GTPBP10: variants seen among roughly 807,000 people sequenced by gnomAD.
GTPBP10 encodes GTP-binding protein 10.
Under a neutral mutation model 44.8 loss-of-function variants are expected in GTPBP10, and 38 were observed. The ratio of observed to expected loss-of-function variants is 0.85; its 90% CI spans 0.65 to 1.11. GTPBP10 has a LOEUF of 1.11. GTPBP10 is among the 50% of genes most tolerant of loss of function. GTPBP10 has a pLI of 0.00. For synonymous variants in GTPBP10, 152 were observed against 150.6 expected, an observed-to-expected ratio of 1.01 and a Z score of -0.07; for missense variants, 462 against 453.7, an observed-to-expected ratio of 1.02 and a Z score of -0.17.
In GTPBP10 at chr7:90,354,558, A is replaced by G. The variant is rs781753693; in HGVS notation, c.319+9A>G. The G allele has an allele frequency of 5.0e-6, 7 of 1,403,116 alleles. No individual in the cohort carries two copies. The East Asian group carries it at 1.4e-4, about 29-fold the overall frequency. 86.9% of individuals were successfully genotyped at this position (1,403,116 alleles called of 1,614,324 possible). A position where few individuals can be genotyped will look rare whatever the true frequency, so the allele number is the denominator to read the frequency against. ...AAATGGTAAAATTATAGGTGAGTGT[A>G]CTATAACTCCAAAAGTTGTAAAAAT... On this transcript the variant is annotated intron_variant, in intron 3 of 9. Coordinates refer to ENST00000222511, the MANE Select transcript of GTPBP10 (RefSeq NM_033107.4).
At chr7:90,370,087 T>C (rs17865347) in intron 4 of GTPBP10, among the ~76,000 whole-genome samples, 1 of 152,060 alleles carries the variant, frequency 6.6e-6, no homozygotes, top group Non-Finnish European at 1.5e-5. Flanking sequence ...ATGGGTACAC[T>C]AAAATTCACT....
chr7:90,385,157 A>G lies in GTPBP10; in HGVS notation c.*3A>G. The stretch of plus-strand genomic sequence containing the variant: ...CTTCCAAAATGGATATAATTTAAAT[A>G]TATTAAAAATGGTATTGATGGAACA... On this transcript the variant is annotated 3_prime_UTR_variant, in exon 10 of 10. Coordinates refer to ENST00000222511, the MANE Select transcript of GTPBP10 (RefSeq NM_033107.4). The G allele has an allele frequency of 1.3e-6, 2 of 1,577,428 alleles. No individual in the cohort carries two copies. The highest frequency in any genetic ancestry group is 2.2e-5 in the East Asian group (1 of 44,548).
chr7:90,378,143 T>G lies in GTPBP10; in HGVS notation c.709T>G (p.Ser237Ala). The G allele has an allele frequency of 1.2e-6, 2 of 1,612,282 alleles. No individual in the cohort carries two copies. The highest frequency in any genetic ancestry group is 1.7e-6 in the Non-Finnish European group (2 of 1,178,824). The change falls in exon 8 of 10, where the codon TCT (serine) becomes GCT (alanine). Residue 237 changes from serine (S) to alanine (A), a missense_variant. By Grantham distance (99) the Ser-to-Ala change is moderately conservative. Coordinates refer to ENST00000222511, the MANE Select transcript of GTPBP10 (RefSeq NM_033107.4). ...TRQLLFVVDI[S>A]GFQLSSHTQY... is the part of the protein sequence containing the mutation. ...CTTCTCTTTTTTTTAGGTTGATATT[T>G]CTGGATTTCAGCTTTCTTCTCACAC...
intron 4 of GTPBP10, among the ~76,000 whole-genome samples, chr7:90,363,342 T>C (rs1031435098): frequency 2.0e-5 from 3 of 152,176 alleles, no homozygotes; most frequent in South Asian, 2.1e-4. Context: ...GTTGACAAAA[T>C]CTCTCAGCAT....
chr7:90,372,092 A>G (rs1796267239), intron 4 of GTPBP10, 63 bp from the exon 5 acceptor site: 1 of 950,206 alleles, frequency 1.1e-6, no homozygotes, highest in South Asian at 1.5e-5. Context: ...GTCTACTTGA[A>G]TTGTTAGGAA....
intron 4 of GTPBP10, among the ~76,000 whole-genome samples, chr7:90,360,501 C>G (rs1241329162): frequency 1.3e-5 from 2 of 152,090 alleles, no homozygotes; most frequent in East Asian, 3.9e-4. Flanking sequence ...TGGTCTATAT[C>G]TCTGTTTTGG....
intron 7 of GTPBP10, 137 bp downstream of exon 7, chr7:90,377,751 G>A (rs1462810359): frequency 1.1e-5 from 7 of 624,730 alleles, no homozygotes; most frequent in South Asian, 2.7e-5. Context: ...GGGGATGGAA[G>A]TGACATTGTT....
intron 4 of GTPBP10, among the ~76,000 whole-genome samples, chr7:90,363,684 C>T (rs1237572792): frequency 1.3e-5 from 2 of 152,144 alleles, no homozygotes; most frequent in Non-Finnish European, 2.9e-5. Flanking sequence ...GTTGGCCTGC[C>T]TTGCTAGGTT....
In GTPBP10 at chr7:90,382,916, C is replaced by CA. The variant is rs758724151; in HGVS notation, c.778-40_778-39insA. On this transcript the variant is annotated intron_variant, in intron 8 of 9. Coordinates refer to ENST00000222511, the MANE Select transcript of GTPBP10 (RefSeq NM_033107.4). ...ACCAAATAAGTAGTTTATACAGAAA[C>CA]CAGTACTAAAATTATTGGGTTTTCT... The CA allele has an allele frequency of 3.6e-6, 5 of 1,396,738 alleles. No homozygotes were observed. The Admixed American group carries it at 6.6e-5, about 19-fold the overall frequency. 86.5% of individuals were successfully genotyped at this position (1,396,738 alleles called of 1,614,324 possible).
intron 8 of GTPBP10, among the ~76,000 whole-genome samples, chr7:90,380,565 A>G (rs1005002859): frequency 6.6e-6 from 1 of 152,234 alleles, no homozygotes; most frequent in African/African-American, 2.4e-5. Flanking sequence ...AAAGTGTACA[A>G]GTGATATTTG....
At chr7:90,369,119 C>T (rs1051068777) in intron 4 of GTPBP10, among the ~76,000 whole-genome samples, 22 of 152,184 alleles carry the variant, frequency 1.4e-4, no homozygotes, top group African/African-American at 4.8e-4. Context: ...GAATCACCAG[C>T]GGAGGCTGCA....
rs1170290627 is a variant in GTPBP10 at position 90,386,446 on chromosome 7, T to TTCA, written c.*1294_*1296dup. Reference sequence around the variant, plus strand: ...ATTGGAGGAGACTGATCTATATTGTTTCATTTTTCTTTTGTCCTAGTCTAT... The same window carrying TTCA: ...ATTGGAGGAGACTGATCTATATTGTTTCATCATTTTTCTTTTGTCCTAGTCTAT... On this transcript the variant is annotated 3_prime_UTR_variant, in exon 10 of 10. Transcript: ENST00000222511. The TTCA allele has an allele frequency of 6.6e-6, 1 of 152,230 alleles. No homozygotes were observed. Among genetic ancestry groups the TTCA allele is most frequent in the African/African-American group, 2.4e-5 (1 of 41,460 alleles). 9.4% of individuals were successfully genotyped at this position (152,230 alleles called of 1,614,324 possible). A position where few individuals can be genotyped will look rare whatever the true frequency, so the allele number is the denominator to read the frequency against.
chr7:90,374,497 G>A, intron 6 of GTPBP10, 143 bp downstream of exon 6: 1 of 587,556 alleles, frequency 1.7e-6, no homozygotes, highest in African/African-American at 1.9e-5. Flanking sequence ...AAGTGAAACT[G>A]GTCAAATTAA....
rs770142683 is a variant in GTPBP10 at position 90,385,120 on chromosome 7, ATGCTGT to A, written c.1132_1137del (p.Ala378_Val379del). ...TCTTCTACTGAGCCACCATCAAAGC[ATGCTGT>A]TACTACTTCCAAAATGGATATAATT... On this transcript the variant is annotated inframe_deletion, in exon 10 of 10. Coordinates refer to ENST00000222511, the MANE Select transcript of GTPBP10 (RefSeq NM_033107.4). 5.0e-6 allele frequency: 8 copies of A among 1,610,308 alleles called. No individual in the cohort carries two copies. The South Asian group carries it at 8.8e-5, about 18-fold the overall frequency.
chr7:90,357,056 T>C (rs1584630416), intron 4 of GTPBP10, among the ~76,000 whole-genome samples: 1 of 152,214 alleles, frequency 6.6e-6, no homozygotes, highest in East Asian at 1.9e-4. Context: ...CATAAGTAGA[T>C]ATCCTTTTAG....
chr7:90,385,601 T>C lies in GTPBP10; in HGVS notation c.*447T>C, dbSNP rs1448969011. 1 of 152,366 alleles carries C rather than the reference T, an allele frequency of 6.6e-6. No individual in the cohort carries two copies. The highest frequency in any genetic ancestry group is 2.4e-5 in the African/African-American group (1 of 41,456). 9.4% of individuals were successfully genotyped at this position (152,366 alleles called of 1,614,324 possible). A position where few individuals can be genotyped will look rare whatever the true frequency, so the allele number is the denominator to read the frequency against. On this transcript the variant is annotated 3_prime_UTR_variant, in exon 10 of 10. Transcript: ENST00000222511. ...AACATGTTACACATGATAAATCCAGTTTTTCTACGTCATTTTTTAAAATTA... is the reference window on the plus strand; with the variant it reads ...AACATGTTACACATGATAAATCCAGCTTTTCTACGTCATTTTTTAAAATTA...
chr7:90,347,288 C>T (rs1364598557), intron 1 of GTPBP10, among the ~76,000 whole-genome samples: 2 of 152,044 alleles, frequency 1.3e-5, no homozygotes, highest in Admixed American at 1.3e-4. Context: ...TTTTTTAAAT[C>T]TTATCCTATC....
In GTPBP10 at chr7:90,382,917, C is replaced by T. The variant is rs1047653293; in HGVS notation, c.778-39C>T. Reference sequence around the variant, plus strand: ...CCAAATAAGTAGTTTATACAGAAACCAGTACTAAAATTATTGGGTTTTCTC... The same window carrying T: ...CCAAATAAGTAGTTTATACAGAAACTAGTACTAAAATTATTGGGTTTTCTC... On this transcript the variant is annotated intron_variant, in intron 8 of 9. Coordinates refer to ENST00000222511, the MANE Select transcript of GTPBP10 (RefSeq NM_033107.4). 30 of 1,401,550 alleles carry T rather than the reference C, an allele frequency of 2.1e-5. No homozygotes were observed. The Admixed American group carries it at 4.0e-4, about 19-fold the overall frequency. The allele number at this position is 1,401,550 out of a possible 1,614,324, so 86.8% of individuals were successfully genotyped here.
chr7:90,346,999 AAGTT>A (rs1795689656), intron 1 of GTPBP10, among the ~76,000 whole-genome samples: 1 of 152,138 alleles, frequency 6.6e-6, no homozygotes, highest in African/African-American at 2.4e-5. Context: ...GCAGGGTTTG[AAGTT>A]CTTTAGAGAC....
Sources: gnomAD v4.1 joint callset for allele counts (sites outside exome capture counted in the v4.1 genomes callset) on GRCh38, gnomAD v4.1.1 for gene constraint, MANE v1.5 for transcripts, NCBI Gene and HGNC (gene_info 2026-07-23, HGNC 2026-07-21) for gene names.